NAALADL2: variants seen among roughly 807,000 people sequenced by gnomAD.
NAALADL2 encodes N-acetylated alpha-linked acidic dipeptidase like 2, also known as inactive N-acetylated-alpha-linked acidic dipeptidase-like protein 2.
NAALADL2 carries 76 observed loss-of-function variants against 87.2 expected under a neutral mutation model. The ratio of observed to expected loss-of-function variants is 0.87; its 90% CI spans 0.72 to 1.05. The LOEUF (loss-of-function observed/expected upper bound fraction) is 1.05. NAALADL2 is among the 50% of genes least tolerant of loss of function. The probability of loss-of-function intolerance (pLI) is 0.00; values close to 1 mark genes in which losing one functional copy is unlikely to be tolerated. For missense variants in NAALADL2, 1,089 were observed against 945.8 expected, an observed-to-expected ratio of 1.15 and a Z score of -1.99; for synonymous variants, 354 against 331.0, an observed-to-expected ratio of 1.07 and a Z score of -0.75.
chr3:175,010,805 G>A (rs965348868), intron 1 of NAALADL2, among the ~76,000 whole-genome samples: 5 of 152,070 alleles, frequency 3.3e-5, no homozygotes, highest in African/African-American at 1.2e-4. Context: ...ATCATAAAGC[G>A]AGAGTATAGT....
intron 3 of NAALADL2, among the ~76,000 whole-genome samples, chr3:175,243,238 C>T (rs1372100360): frequency 6.6e-6 from 1 of 150,792 alleles, no homozygotes; most frequent in East Asian, 2.0e-4. Context: ...GCTTTAACCC[C>T]TATCTCTAAT....
In NAALADL2 at chr3:175,349,950, T is replaced by C. The variant is rs1763577150; in HGVS notation, c.1090+25625T>C. 2.7e-5 allele frequency among the ~76,000 whole-genome samples: 4 copies of C among 150,936 alleles called. No homozygotes were observed. In the South Asian group the frequency reaches 8.5e-4, roughly 32 times the overall value. On this transcript the variant is annotated intron_variant, in intron 5 of 13. Coordinates refer to ENST00000454872, the MANE Select transcript of NAALADL2 (RefSeq NM_207015.3). ...TTCTACTCTCAGAAAGACATGACTG[T>C]CATTAATCCCATGGGTCTTCTTCTA...
At chr3:175,306,610 G>A (rs548764593) in intron 4 of NAALADL2, among the ~76,000 whole-genome samples, 30 of 152,284 alleles carry the variant, frequency 2.0e-4, no homozygotes, top group African/African-American at 6.7e-4. Flanking sequence ...GGCGGATCAC[G>A]AGTTCAGGAG....
At chr3:174,688,452 T>C (rs1441648015) in intron 2 of NAALADL2, among the ~76,000 whole-genome samples, 1 of 132,810 alleles carries the variant, frequency 7.5e-6, no homozygotes, top group Non-Finnish European at 1.6e-5. Flanking sequence ...CGAGAAATAG[T>C]GTAAAGATTA....
intron 2 of NAALADL2, among the ~76,000 whole-genome samples, chr3:175,165,930 C>T (rs755531390): frequency 6.6e-6 from 1 of 152,010 alleles, no homozygotes; most frequent in African/African-American, 2.4e-5. Context: ...TGTTTACTCT[C>T]CTCTCAGGAA....
intron 1 of NAALADL2, among the ~76,000 whole-genome samples, chr3:174,930,613 A>AATTTTTTTT (rs1188907600): frequency 2.0e-5 from 2 of 99,788 alleles, no homozygotes; most frequent in Admixed American, 1.2e-4. Flanking sequence ...AATAAGATGA[A>AATTTTTTTT]CTTTTTTTTT....
chr3:174,801,167 C>T (rs551947358), intron 3 of NAALADL2, among the ~76,000 whole-genome samples: 19 of 152,230 alleles, frequency 1.2e-4, no homozygotes, highest in African/African-American at 3.6e-4. Flanking sequence ...TTGGGAGGTG[C>T]TGGGGCAGAA....
At chr3:175,004,188 A>T (rs1748676118) in intron 1 of NAALADL2, among the ~76,000 whole-genome samples, 1 of 152,114 alleles carries the variant, frequency 6.6e-6, no homozygotes, top group African/African-American at 2.4e-5. Flanking sequence ...ATCCTGGGAA[A>T]CAAAGTGAGA....
At chr3:174,836,018 A>C (rs1367949592) in intron 3 of NAALADL2, among the ~76,000 whole-genome samples, 1 of 152,204 alleles carries the variant, frequency 6.6e-6, no homozygotes, top group African/African-American at 2.4e-5. Flanking sequence ...AAGTAAGTCA[A>C]AGTGAGGCCT....
chr3:174,989,870 A>G (rs1014255098), intron 1 of NAALADL2, among the ~76,000 whole-genome samples: 3 of 152,166 alleles, frequency 2.0e-5, no homozygotes, highest in Non-Finnish European at 4.4e-5. Flanking sequence ...GGTAATCTGC[A>G]TATATAGTAA....
rs563364007 is a variant in NAALADL2 at position 174,899,485 on chromosome 3, G to T, written c.43+40035G>T. On this transcript the variant is annotated intron_variant, in intron 1 of 13. Coordinates refer to ENST00000454872, the MANE Select transcript of NAALADL2 (RefSeq NM_207015.3). ...TAGTAAGTTCTCTTGAGATCTGTTT[G>T]CTTAAAAGTGTGTGGCACCTCCACA... Among the ~76,000 whole-genome samples the T allele has an allele frequency of 3.3e-5, 5 of 152,242 alleles. No individual in the cohort carries two copies. The East Asian group carries it at 9.7e-4, about 29-fold the overall frequency.
intron 3 of NAALADL2, among the ~76,000 whole-genome samples, chr3:174,752,247 A>G (rs1734909891): frequency 6.6e-6 from 1 of 152,150 alleles, no homozygotes; most frequent in South Asian, 2.1e-4. Flanking sequence ...AAGTGCTGGG[A>G]TTACAGGTGT....
intron 1 of NAALADL2, among the ~76,000 whole-genome samples, chr3:174,475,645 C>T (rs1188367986): frequency 6.6e-6 from 1 of 151,954 alleles, no homozygotes; most frequent in Non-Finnish European, 1.5e-5. Flanking sequence ...ATATCAGACA[C>T]AGTAGTAACT....
chr3:175,320,159 T>G (rs141941700), intron 4 of NAALADL2, among the ~76,000 whole-genome samples: 24 of 152,214 alleles, frequency 1.6e-4, no homozygotes, highest in African/African-American at 4.3e-4. Context: ...CTAATAGAAT[T>G]AGCAAATCAT....
chr3:175,195,044 T>C (rs1738767023), intron 2 of NAALADL2, among the ~76,000 whole-genome samples: 3 of 151,654 alleles, frequency 2.0e-5, no homozygotes, highest in East Asian at 1.9e-4. Flanking sequence ...TCTCTCTCTC[T>C]CCCTCCTCTA....
At chr3:174,752,709 T>C (rs1488472603) in intron 3 of NAALADL2, among the ~76,000 whole-genome samples, 1 of 152,160 alleles carries the variant, frequency 6.6e-6, no homozygotes, top group Non-Finnish European at 1.5e-5. Flanking sequence ...GTTAGCTGTG[T>C]AATTTATTTT....
At chr3:174,509,272 G>T (rs760049079) in intron 1 of NAALADL2, among the ~76,000 whole-genome samples, 15 of 152,008 alleles carry the variant, frequency 9.9e-5, no homozygotes, top group Non-Finnish European at 1.6e-4. Flanking sequence ...GCTTTTCAGA[G>T]ATGCTTTATT....
chr3:174,571,834 T>G (rs1371374326), intron 2 of NAALADL2, among the ~76,000 whole-genome samples: 6 of 152,166 alleles, frequency 3.9e-5, no homozygotes, highest in Non-Finnish European at 8.8e-5. Flanking sequence ...ATATGTCTGA[T>G]TTGACCCAGA....
Position 175,313,471 on chromosome 3 carries a change from G to A in NAALADL2, c.940-10704G>A, listed in dbSNP as rs548385401. On this transcript the variant is annotated intron_variant, in intron 4 of 13. Coordinates refer to ENST00000454872, the MANE Select transcript of NAALADL2 (RefSeq NM_207015.3). ...GAGCTAAATGATGGAAATAATACAAGCTTTTCCGTTTGGTTCTTGATATCC... is the reference window on the plus strand; with the variant it reads ...GAGCTAAATGATGGAAATAATACAAACTTTTCCGTTTGGTTCTTGATATCC... Among the ~76,000 whole-genome samples the A allele has an allele frequency of 7.2e-5, 11 of 152,316 alleles. No homozygotes were observed. The South Asian group carries it at 2.3e-3, about 32-fold the overall frequency.
Sources: gnomAD v4.1 joint callset for allele counts (sites outside exome capture counted in the v4.1 genomes callset) on GRCh38, gnomAD v4.1.1 for gene constraint, MANE v1.5 for transcripts, NCBI Gene and HGNC (gene_info 2026-07-23, HGNC 2026-07-21) for gene names.